MAP4K3: variants seen among roughly 807,000 people sequenced by gnomAD.
MAP4K3 encodes the protein mitogen-activated protein kinase kinase kinase kinase 3, also known as MAPK/ERK kinase kinase kinase 3.
MAP4K3 carries 94 observed loss-of-function variants against 143.5 expected under a neutral mutation model. The ratio of observed to expected loss-of-function variants is 0.65; its 90% confidence interval spans 0.55 to 0.78. The LOEUF (loss-of-function observed/expected upper bound fraction) is 0.78. Ranked by LOEUF, MAP4K3 falls within the 30% of genes least tolerant of loss-of-function variation. The probability of loss-of-function intolerance (pLI) is 0.00; values close to 1 mark genes in which losing one functional copy is unlikely to be tolerated. For synonymous variants in MAP4K3, 416 were observed against 347.2 expected (o/e 1.20, Z -2.20); for missense variants, 1,077 against 1,068.1 (o/e 1.01, Z -0.12).
At chr2:39,323,105 G>A (rs1436488948) in intron 12 of MAP4K3, among the ~76,000 whole-genome samples, 1 of 152,174 alleles carries the variant, frequency 6.6e-6, no homozygotes, top group Non-Finnish European at 1.5e-5. Context: ...AAAAAGTTAT[G>A]AATTTCTCTT....
At chr2:39,373,846 CA>C (rs1666147755) in intron 2 of MAP4K3, among the ~76,000 whole-genome samples, 1 of 151,890 alleles carries the variant, frequency 6.6e-6, no homozygotes, top group Admixed American at 6.6e-5. Flanking sequence ...TTAATTGGTA[CA>C]AAAAATTAGA....
At position 39,256,568 on chromosome 2, in the gene MAP4K3, GAACC is replaced by G. The variant is rs528115667; in HGVS notation, c.2470+1776_2470+1779del. On this transcript the variant is annotated intron_variant, in intron 31 of 33. Transcript: ENST00000263881. ...TTACATAAATACATTTTCTGATGCTGAACCATCCTTGCTTTCCTGGGATAGTTTA... is the reference window on the plus strand; with the variant it reads ...TTACATAAATACATTTTCTGATGCTGATCCTTGCTTTCCTGGGATAGTTTA... Among the ~76,000 whole-genome samples the G allele has an allele frequency of 1.3e-3, 193 of 152,274 alleles. 3 individuals carry two copies. The highest frequency in any genetic ancestry group is 4.5e-3 in the African/African-American group (187 of 41,546).
At chr2:39,273,841 C>A (rs1681136921) in intron 24 of MAP4K3, among the ~76,000 whole-genome samples, 1 of 152,076 alleles carries the variant, frequency 6.6e-6, no homozygotes, top group Admixed American at 6.5e-5. Context: ...CTGCTTTTCA[C>A]AAAAAATTCA....
intron 4 of MAP4K3, among the ~76,000 whole-genome samples, chr2:39,340,143 C>T (rs1398702797): frequency 6.6e-6 from 1 of 152,000 alleles, no homozygotes; most frequent in African/African-American, 2.4e-5. Flanking sequence ...AAGAACTTCC[C>T]CTTCATTAAA....
At chr2:39,289,802 A>C (rs563184614) in intron 19 of MAP4K3, among the ~76,000 whole-genome samples, 1 of 152,342 alleles carries the variant, frequency 6.6e-6, no homozygotes, top group South Asian at 2.1e-4. Context: ...ACATTAAATA[A>C]GGCCAGGCAC....
chr2:39,307,962 T>C lies in MAP4K3; in HGVS notation c.1100A>G (p.Tyr367Cys). ...AAATACCAGATTAGATCTTGCAGTGTAGTATATTTCTTCTGAACTGTCCAA... is the reference window on the plus strand; with the variant it reads ...AAATACCAGATTAGATCTTGCAGTGCAGTATATTTCTTCTGAACTGTCCAA... ...GFLDSSEEIYYTARSNLDLQL... is the reference protein window; with the variant it reads ...GFLDSSEEIYCTARSNLDLQL... The change falls in exon 15 of 34, where the codon TAC becomes TGC. Residue 367 changes from tyrosine (Y) to cysteine (C), a missense_variant. By Grantham distance (194) the Tyr-to-Cys change is radical. Around this residue, in one of 2 missense-constraint regions of MAP4K3, gnomAD observed 864 missense variants for 801.2 expected, o/e 1.08. Transcript: ENST00000263881. 3.8e-6 allele frequency: 6 copies of C among 1,591,738 alleles called. No homozygotes were observed. Among genetic ancestry groups the C allele is most frequent in the Non-Finnish European group, 5.1e-6 (6 of 1,169,608 alleles).
intron 2 of MAP4K3, among the ~76,000 whole-genome samples, chr2:39,368,493 C>G (rs1425571782): frequency 6.6e-6 from 1 of 151,722 alleles, no homozygotes; most frequent in African/African-American, 2.4e-5. Context: ...ACAACGAGAC[C>G]CAGTCTCTAC....
intron 1 of MAP4K3, 25 bp downstream of exon 1, chr2:39,436,867 G>C (rs1481163144): frequency 3.8e-6 from 6 of 1,579,354 alleles, no homozygotes; most frequent in East Asian, 2.4e-5. Context: ...CCACGGCCTC[G>C]GCGGCGCGCG....
At chr2:39,409,679 T>G (rs987393575) in intron 1 of MAP4K3, among the ~76,000 whole-genome samples, 3 of 152,202 alleles carry the variant, frequency 2.0e-5, no homozygotes, top group Non-Finnish European at 4.4e-5. Flanking sequence ...ATAGTAGATA[T>G]TGAGATATAC....
intron 29 of MAP4K3, among the ~76,000 whole-genome samples, chr2:39,259,276 G>A (rs1358008480): frequency 5.9e-5 from 9 of 152,196 alleles, no homozygotes; most frequent in East Asian, 1.9e-4. Flanking sequence ...GGGAATTCAC[G>A]GAAATGAAAA....
intron 4 of MAP4K3, among the ~76,000 whole-genome samples, chr2:39,338,090 T>A (rs1269215569): frequency 6.6e-6 from 1 of 152,072 alleles, no homozygotes; most frequent in East Asian, 1.9e-4. Context: ...AAATCTGATT[T>A]GCTCATTGTT....
chr2:39,377,957 C>A, intron 2 of MAP4K3, 109 bp downstream of exon 2: 1 of 716,458 alleles, frequency 1.4e-6, no homozygotes, highest in East Asian at 2.8e-5. Context: ...TCTATTTATC[C>A]CAGATGTTGG....
At chr2:39,419,043 T>G (rs1000738555) in intron 1 of MAP4K3, among the ~76,000 whole-genome samples, 1 of 152,218 alleles carries the variant, frequency 6.6e-6, no homozygotes, top group Non-Finnish European at 1.5e-5. Flanking sequence ...TTAGGAGTCT[T>G]TGTGACTTTT....
chr2:39,386,099 T>A (rs72929178), intron 1 of MAP4K3, among the ~76,000 whole-genome samples: 2,313 of 152,234 alleles, frequency 0.015, 53 homozygotes, highest in African/African-American at 0.053. Context: ...AAGAGGTAAT[T>A]AAGGTTAAAT....
intron 2 of MAP4K3, among the ~76,000 whole-genome samples, chr2:39,371,278 T>G (rs866194467): frequency 6.6e-6 from 1 of 152,198 alleles, no homozygotes; most frequent in Non-Finnish European, 1.5e-5. Flanking sequence ...GAGAGCTGTA[T>G]GTAAAGGGGC....
At position 39,368,736 on chromosome 2, in the gene MAP4K3, C is replaced by T. The variant is rs527712914; in HGVS notation, c.154+9330G>A. On this transcript the variant is annotated intron_variant, in intron 2 of 33. Coordinates refer to ENST00000263881, the MANE Select transcript of MAP4K3 (RefSeq NM_003618.4). ...TAAATAAAATAGTTCTAATTTTGGA[C>T]GTTTTTAATTTCTCAACTTTCTGTT... 7.9e-5 allele frequency among the ~76,000 whole-genome samples: 12 copies of T among 152,058 alleles called. 1 individual carries two copies. The South Asian group carries it at 2.5e-3, about 32-fold the overall frequency.
At chr2:39,341,581 G>A (rs984811516) in intron 4 of MAP4K3, among the ~76,000 whole-genome samples, 2 of 151,786 alleles carry the variant, frequency 1.3e-5, no homozygotes, top group African/African-American at 2.4e-5. Context: ...ACTTGAACCC[G>A]GGAGGTGGAG....
At chr2:39,423,507 C>T (rs1211736649) in intron 1 of MAP4K3, among the ~76,000 whole-genome samples, 1 of 152,114 alleles carries the variant, frequency 6.6e-6, no homozygotes, top group Non-Finnish European at 1.5e-5. Context: ...CCAAAACCTG[C>T]AAACAACCAA....
chr2:39,324,613 C>T (rs34564080), intron 12 of MAP4K3, among the ~76,000 whole-genome samples: 103 of 152,154 alleles, frequency 6.8e-4, no homozygotes, highest in Non-Finnish European at 8.5e-4. Flanking sequence ...AATCTGTGGC[C>T]GTCTTTCTAA....
Sources: allele counts gnomAD v4.1 joint callset (sites outside exome capture counted in the v4.1 genomes callset), GRCh38; gene constraint gnomAD v4.1.1; regional missense constraint gnomAD v4.1.1; transcripts MANE v1.5; gene names NCBI Gene and HGNC (gene_info 2026-07-23, HGNC 2026-07-21).